The following ATP4B variants were observed in gnomAD, a reference collection of about 807,000 sequenced individuals.
ATP4B encodes ATPase H+/K+ transporting subunit beta, also known as potassium-transporting ATPase subunit beta.
Under a neutral mutation model 35.3 loss-of-function variants are expected in ATP4B, and 27 were observed. The ratio of observed to expected loss-of-function variants is 0.76; its 90% confidence interval spans 0.56 to 1.05. ATP4B has a LOEUF of 1.05. ATP4B is among the 50% of genes least tolerant of loss of function. The pLI, the probability that ATP4B is intolerant of heterozygous loss-of-function variation, is 0.00. For synonymous variants in ATP4B, 162 were observed against 156.0 expected (o/e 1.04, Z -0.29); for missense variants, 375 against 384.8 (o/e 0.97, Z 0.21).
At position 113,653,490 on chromosome 13, in the gene ATP4B, A is replaced by G. The variant is rs552184407; in HGVS notation, c.242-56T>C. The G allele has an allele frequency of 2.0e-5, 31 of 1,521,706 alleles. No individual in the cohort carries two copies. The South Asian group carries it at 2.8e-4, about 14-fold the overall frequency. 94.3% of individuals were successfully genotyped at this position (1,521,706 alleles called of 1,614,324 possible). A position where few individuals can be genotyped will look rare whatever the true frequency, so the allele number is the denominator to read the frequency against. On this transcript the variant is annotated intron_variant, in intron 2 of 6. Transcript: ENST00000335288. The stretch of plus-strand genomic sequence containing the variant: ...TCCAAATGCTCACCACATTTAAGCC[A>G]TCAGTTCTGAAGTGGCTGAGGATAC...
In ATP4B at chr13:113,650,114, G is replaced by A. The variant is rs1449716178; in HGVS notation, c.714+292C>T. On this transcript the variant is annotated intron_variant, in intron 6 of 6. Coordinates refer to ENST00000335288, the MANE Select transcript of ATP4B (RefSeq NM_000705.4). The surrounding 1 kb of genome is among the most constrained non-coding windows in gnomAD (Gnocchi z 5.0). ...GGTGGTTGAGGCTGCAATGAGCTAA[G>A]ATGCTAAGATTGCATTGCTGCAATC... Among the ~76,000 whole-genome samples the A allele has an allele frequency of 2.0e-5, 3 of 151,282 alleles. No homozygotes were observed. The East Asian group carries it at 5.8e-4, about 29-fold the overall frequency.
chr13:113,649,676 G>T lies in ATP4B; in HGVS notation c.715-141C>A. On this transcript the variant is annotated intron_variant, in intron 6 of 6. Transcript: ENST00000335288. This position sits in a 1 kb window ranked among gnomAD's most constrained non-coding sequence, Gnocchi z 4.7. ...TAAGACTGGCCCTGACCGAGTGCATGCCCTGGAATTTGCTGAGATAACACC... is the reference window on the plus strand; with the variant it reads ...TAAGACTGGCCCTGACCGAGTGCATTCCCTGGAATTTGCTGAGATAACACC... The T allele has an allele frequency of 1.0e-6, 1 of 978,292 alleles. No individual in the cohort carries two copies. Among genetic ancestry groups the T allele is most frequent in the South Asian group, 2.2e-5 (1 of 44,732 alleles). The allele number at this position is 978,292 out of a possible 1,614,324, so 60.6% of individuals were successfully genotyped here.
At chr13:113,651,601 G>C in intron 5 of ATP4B, 70 bp downstream of exon 5, 3 of 1,467,834 alleles carry the variant, frequency 2.0e-6, no homozygotes, top group Non-Finnish European at 2.7e-6. Context: ...GCCGTGCCCA[G>C]CATGAACCAG....
At chr13:113,651,194 T>TA (rs1566687913) in intron 5 of ATP4B, among the ~76,000 whole-genome samples, 2 of 152,218 alleles carry the variant, frequency 1.3e-5, no homozygotes, top group South Asian at 4.1e-4. Flanking sequence ...ACATTTAATT[T>TA]AAAAAATTCA....
chr13:113,650,824 A>G lies in ATP4B; in HGVS notation c.613-317T>C, dbSNP rs982009036. 1.3e-5 allele frequency among the ~76,000 whole-genome samples: 2 copies of G among 152,140 alleles called. No homozygotes were observed. Among genetic ancestry groups the G allele is most frequent in the African/African-American group, 2.4e-5 (1 of 41,432 alleles). On this transcript the variant is annotated intron_variant, in intron 5 of 6. Coordinates refer to ENST00000335288, the MANE Select transcript of ATP4B (RefSeq NM_000705.4). This position sits in a 1 kb window ranked among gnomAD's most constrained non-coding sequence, Gnocchi z 5.0. ...CTGTACTCGAGGGTAGCCACTGCTCAGTGGCAAGGGCTGGTTTGCCAAAAC... is the reference window on the plus strand; with the variant it reads ...CTGTACTCGAGGGTAGCCACTGCTCGGTGGCAAGGGCTGGTTTGCCAAAAC...
At position 113,649,585 on chromosome 13, in the gene ATP4B, A is replaced by C; in HGVS notation, c.715-50T>G. The C allele has an allele frequency of 1.4e-6, 2 of 1,447,090 alleles. No homozygotes were observed. The highest frequency in any genetic ancestry group is 9.1e-7 in the Non-Finnish European group (1 of 1,095,800). 89.6% of individuals were successfully genotyped at this position (1,447,090 alleles called of 1,614,324 possible). ...AGGTGTTTCAAAAATCTCTGAAGTT[A>C]AGGAGAGAAAACTAAGCAAGGAAGT... is the stretch of plus-strand genomic sequence containing the variant. On this transcript the variant is annotated intron_variant, in intron 6 of 6. Transcript: ENST00000335288. This position sits in a 1 kb window ranked among gnomAD's most constrained non-coding sequence, Gnocchi z 4.7.
At chr13:113,656,885 C>T (rs1380311763) in intron 1 of ATP4B, among the ~76,000 whole-genome samples, 2 of 152,126 alleles carry the variant, frequency 1.3e-5, no homozygotes, top group African/African-American at 4.8e-5. Flanking sequence ...TGGCCGGCAG[C>T]CCCCAGCCCA....
chr13:113,653,254 A>G lies in ATP4B; in HGVS notation c.355+67T>C, dbSNP rs1353010614. ...TCACCCACCCGCCGCTTCACACCTC[A>G]CCCACCCGCCGCTTCACACCTCACC... On this transcript the variant is annotated intron_variant, in intron 3 of 6. Transcript: ENST00000335288. The G allele has an allele frequency of 2.8e-5, 41 of 1,485,780 alleles. 1 individual carries two copies. Among genetic ancestry groups the G allele is most frequent in the South Asian group, 1.7e-4 (14 of 84,720 alleles). The allele number at this position is 1,485,780 out of a possible 1,614,324, so 92.0% of individuals were successfully genotyped here. A position where few individuals can be genotyped will look rare whatever the true frequency, so the allele number is the denominator to read the frequency against.
At chr13:113,655,034 C>G in intron 1 of ATP4B, 92 bp from the exon 2 acceptor site, 1 of 1,517,140 alleles carries the variant, frequency 6.6e-7, no homozygotes, top group Non-Finnish European at 8.9e-7. Context: ...TGTGGCGTGA[C>G]CATCTTCCCT....
At position 113,650,541 on chromosome 13, in the gene ATP4B, G is replaced by T. The variant is rs760291803; in HGVS notation, c.613-34C>A. On this transcript the variant is annotated intron_variant, in intron 5 of 6. Transcript: ENST00000335288. This position sits in a 1 kb window ranked among gnomAD's most constrained non-coding sequence, Gnocchi z 5.0. ...GAGAGGCCACTGCCTGAGTCAGGCG[G>T]GAGCTGGTGTGTGCCGGTGTCTGTG... 3 of 1,571,540 alleles carry T rather than the reference G, an allele frequency of 1.9e-6. No individual in the cohort carries two copies. Among genetic ancestry groups the T allele is most frequent in the Non-Finnish European group, 1.7e-6 (2 of 1,150,830 alleles).
intron 5 of ATP4B, among the ~76,000 whole-genome samples, chr13:113,651,170 G>A (rs919534506): frequency 6.6e-6 from 1 of 152,060 alleles, no homozygotes; most frequent in African/African-American, 2.4e-5. Flanking sequence ...CATGGTGGAA[G>A]CAAATCTTAG....
In ATP4B at chr13:113,654,867, A is replaced by G. The variant is rs779776368; in HGVS notation, c.188T>C (p.Met63Thr). The G allele has an allele frequency of 2.8e-5, 45 of 1,614,244 alleles. 2 individuals are homozygous for G. In the South Asian group the frequency reaches 4.9e-4, roughly 18 times the overall value. ...CGGTGTGTACGGGTCCACTGTCTGC[A>G]TCAGCACATAGAGGCACAGGGCGAA... Reference protein sequence around the residue: ...GLFALCLYVLMQTVDPYTPDY... With the variant: ...GLFALCLYVLTQTVDPYTPDY... Residue 63 changes from methionine to threonine, a missense_variant, in exon 2 of 7, where the codon ATG becomes ACG. Coordinates refer to ENST00000335288, the MANE Select transcript of ATP4B (RefSeq NM_000705.4).
chr13:113,650,180 A>AG lies in ATP4B; in HGVS notation c.714+225_714+226insC, dbSNP rs2049700781. ...AGCAAGACTGTCTCAAAAAAAAAAA[A>AG]AAAAGTTGAAGAGTTAGAGTTGTAT... On this transcript the variant is annotated intron_variant, in intron 6 of 6. Transcript: ENST00000335288. The surrounding 1 kb of genome is among the most constrained non-coding windows in gnomAD (Gnocchi z 5.0). Among the ~76,000 whole-genome samples the AG allele has an allele frequency of 2.0e-5, 3 of 152,254 alleles. No homozygotes were observed. The East Asian group carries it at 5.8e-4, about 29-fold the overall frequency.
chr13:113,654,736 C>A (rs2049739779), intron 2 of ATP4B, 78 bp downstream of exon 2: 2 of 1,522,162 alleles, frequency 1.3e-6, no homozygotes, highest in Non-Finnish European at 8.8e-7. Context: ...GGGCACGGGT[C>A]CCCCGGGCGT....
intron 1 of ATP4B, among the ~76,000 whole-genome samples, chr13:113,655,895 G>A (rs2049751102): frequency 6.6e-6 from 1 of 152,248 alleles, no homozygotes; most frequent in Non-Finnish European, 1.5e-5. Flanking sequence ...CCTGAGCTGT[G>A]ATGAGAGGCT....
chr13:113,653,125 C>A (rs929647205), intron 3 of ATP4B, 53 bp from the exon 4 acceptor site: 3 of 1,568,470 alleles, frequency 1.9e-6, no homozygotes, highest in Non-Finnish European at 2.6e-6. Flanking sequence ...TGACGCCTGG[C>A]TGCCCCCCGG....
chr13:113,649,491 G>A lies in ATP4B; in HGVS notation c.759C>T (p.Ile253=). The A allele has an allele frequency of 6.4e-7, 1 of 1,551,912 alleles. No individual in the cohort carries two copies. Among genetic ancestry groups the A allele is most frequent in the Non-Finnish European group, 8.7e-7 (1 of 1,145,186 alleles). The change falls in exon 7 of 7, where the codon ATC becomes ATT. Residue 253 remains isoleucine, a synonymous_variant. Transcript: ENST00000335288. This position sits in a 1 kb window ranked among gnomAD's most constrained non-coding sequence, Gnocchi z 4.7. ...NPLVAAKLLN[I]PRNAEVAIVC... ...CGATGGCGACCTCAGCGTTCCTGGG[G>A]ATGTTGAGGAGCTTCGCTGCCACCA...
chr13:113,652,251 T>C (rs1218036052), intron 4 of ATP4B, among the ~76,000 whole-genome samples: 1 of 152,164 alleles, frequency 6.6e-6, no homozygotes, highest in African/African-American at 2.4e-5. Context: ...GGGACCCCCG[T>C]CACAGCCCCT....
rs763782100 is a variant in ATP4B, at chr13:113,653,409, G to A, written c.267C>T (p.Tyr89=). The change falls in exon 3 of 7, where the codon TAC becomes TAT. Residue 89 remains tyrosine (Y), a synonymous_variant. Transcript: ENST00000335288. ...AGACAATTTCCAGGCCTTTCTCCCC[G>A]TAAACATCCGGCCTTAAGGTTACCC... ...SPGVTLRPDV[Y]GEKGLEIVYN... The A allele has an allele frequency of 1.6e-5, 26 of 1,614,070 alleles. No individual in the cohort carries two copies. Among genetic ancestry groups the A allele is most frequent in the Middle Eastern group, 1.6e-4 (1 of 6,080 alleles).
Sources: allele counts gnomAD v4.1 joint callset (sites outside exome capture counted in the v4.1 genomes callset), GRCh38; gene constraint gnomAD v4.1.1; non-coding constraint Gnocchi (gnomAD v3.1); transcripts MANE v1.5; gene names NCBI Gene and HGNC (gene_info 2026-07-23, HGNC 2026-07-21).